ATF7: variants seen among roughly 807,000 people sequenced by gnomAD.
ATF7 encodes the protein cyclic AMP-dependent transcription factor ATF-7.
In ATF7, 10 loss-of-function variants were observed where a neutral mutation model predicts 50.4. The observed-to-expected ratio is 0.20, with a 90% CI of 0.12 to 0.34. The LOEUF is 0.34. Ranked by LOEUF, ATF7 falls within the 10% of genes least tolerant of loss-of-function variation. The pLI is 1.00. For missense variants in ATF7, 465 were observed against 613.9 expected (o/e 0.76, Z 2.56); for synonymous variants, 201 against 226.4 (o/e 0.89, Z 1.01).
At chr12:53,568,793 G>C (rs966722605) in intron 2 of ATF7, among the ~76,000 whole-genome samples, 1 of 152,298 alleles carries the variant, frequency 6.6e-6, no homozygotes, top group East Asian at 1.9e-4. Flanking sequence ...CTAACCATAA[G>C]TGATATTTTT....
intron 2 of ATF7, among the ~76,000 whole-genome samples, chr12:53,555,488 T>C (rs1338104563): frequency 7.5e-6 from 1 of 134,118 alleles, no homozygotes; most frequent in Non-Finnish European, 1.6e-5. Flanking sequence ...GAAAATAATA[T>C]AATTTTTTTT....
In ATF7 at chr12:53,531,898, T is replaced by C. The variant is rs778861286; in HGVS notation, c.775-2A>G. On this transcript the variant is annotated splice_acceptor_variant, in intron 8 of 11. Transcript: ENST00000420353. LOFTEE classifies it high-confidence loss of function. ...GTGAGTTAGGGTGGCTTTCAGTCTCTGTGGGCAAAGATAAGAAAAAATGCT... is the reference window on the plus strand; with the variant it reads ...GTGAGTTAGGGTGGCTTTCAGTCTCCGTGGGCAAAGATAAGAAAAAATGCT... 6.2e-7 allele frequency: 1 copy of C among 1,613,370 alleles called. No homozygotes were observed. The highest frequency in any genetic ancestry group is 1.7e-5 in the Admixed American group (1 of 59,914).
intron 3 of ATF7, among the ~76,000 whole-genome samples, chr12:53,549,774 C>T (rs533057024): frequency 6.6e-6 from 1 of 152,086 alleles, no homozygotes; most frequent in Admixed American, 6.5e-5. Flanking sequence ...TTAGTAGAGA[C>T]GGGGTTTCAC....
chr12:53,563,292 T>C (rs1941258182), intron 2 of ATF7, among the ~76,000 whole-genome samples: 1 of 152,166 alleles, frequency 6.6e-6, no homozygotes, highest in Non-Finnish European at 1.5e-5. Context: ...AATTTTAGTC[T>C]ATATGGTCTC....
chr12:53,601,603 CG>C (rs1163654248), intron 1 of ATF7, among the ~76,000 whole-genome samples: 3 of 152,100 alleles, frequency 2.0e-5, no homozygotes, highest in Non-Finnish European at 4.4e-5. Flanking sequence ...AAATAAAAAC[CG>C]GGAGCCTCCT....
intron 3 of ATF7, 135 bp from the exon 4 acceptor site, chr12:53,543,583 T>G: frequency 1.1e-6 from 1 of 947,952 alleles, no homozygotes; most frequent in Non-Finnish European, 1.5e-6. Flanking sequence ...AAATTTGCTT[T>G]AATGGAGCTC....
intron 1 of ATF7, among the ~76,000 whole-genome samples, chr12:53,612,350 G>A (rs1012276631): frequency 1.3e-5 from 2 of 151,564 alleles, no homozygotes; most frequent in African/African-American, 4.8e-5. Context: ...GCAGTGGCTC[G>A]ATCTCGTCTC....
intron 1 of ATF7, among the ~76,000 whole-genome samples, chr12:53,622,233 T>C (rs1462969457): frequency 6.6e-6 from 1 of 151,786 alleles, no homozygotes; most frequent in Non-Finnish European, 1.5e-5. Context: ...AACCGGAAGT[T>C]GGAGGTTGTA....
chr12:53,545,025 A>G (rs1939811514), intron 3 of ATF7, among the ~76,000 whole-genome samples: 1 of 152,144 alleles, frequency 6.6e-6, no homozygotes, highest in Non-Finnish European at 1.5e-5. Context: ...GTACTTTAGT[A>G]AGGGCATACC....
chr12:53,564,030 A>G (rs553937139), intron 2 of ATF7, among the ~76,000 whole-genome samples: 10 of 152,296 alleles, frequency 6.6e-5, no homozygotes, highest in Admixed American at 2.6e-4. Context: ...TTGTGGGTCA[A>G]TTCACTTTCT....
chr12:53,601,810 G>C (rs1205382180), intron 1 of ATF7, among the ~76,000 whole-genome samples: 1 of 152,202 alleles, frequency 6.6e-6, no homozygotes, highest in African/African-American at 2.4e-5. Context: ...GCAGCCAACA[G>C]ATGTGTGCTG....
In ATF7 at chr12:53,524,179, T is replaced by C. The variant is rs1158613987; in HGVS notation, c.1125+385A>G. Among the ~76,000 whole-genome samples the C allele has an allele frequency of 6.6e-6, 1 of 152,252 alleles. No individual in the cohort carries two copies. The highest frequency in any genetic ancestry group is 1.5e-5 in the Non-Finnish European group (1 of 68,044). ...TATGGATTATAGATTATAATTATTCTATTTGTGCTTGTAGCACTTTTTTCT... is the reference window on the plus strand; with the variant it reads ...TATGGATTATAGATTATAATTATTCCATTTGTGCTTGTAGCACTTTTTTCT... On this transcript the variant is annotated intron_variant, in intron 10 of 11. Coordinates refer to ENST00000420353, the MANE Select transcript of ATF7 (RefSeq NM_006856.3). This position sits in a 1 kb window ranked among gnomAD's most constrained non-coding sequence, Gnocchi z 4.6.
At chr12:53,523,433 C>G (rs1377165248) in intron 10 of ATF7, 49 bp from the exon 11 acceptor site, 2 of 1,349,490 alleles carry the variant, frequency 1.5e-6, no homozygotes, top group Non-Finnish European at 2.1e-6. Context: ...ATCCTCTACT[C>G]TTGCACCCTC....
At chr12:53,598,234 G>C (rs774243190) in intron 2 of ATF7, among the ~76,000 whole-genome samples, 59 of 152,182 alleles carry the variant, frequency 3.9e-4, no homozygotes, top group Non-Finnish European at 7.3e-4. Context: ...CAGATCGTGG[G>C]AGAAACTTGG....
At chr12:53,549,864 G>A (rs1040958451) in intron 3 of ATF7, among the ~76,000 whole-genome samples, 3 of 152,048 alleles carry the variant, frequency 2.0e-5, no homozygotes, top group African/African-American at 4.8e-5. Flanking sequence ...AATTATGGGC[G>A]TGAGCCAACA....
chr12:53,571,939 C>T (rs1941788342), intron 2 of ATF7, among the ~76,000 whole-genome samples: 1 of 151,950 alleles, frequency 6.6e-6, no homozygotes, highest in Non-Finnish European at 1.5e-5. Context: ...TGGTGGCGCA[C>T]ACCTGTAATC....
At chr12:53,622,520 T>C (rs1466087030) in intron 1 of ATF7, among the ~76,000 whole-genome samples, 1 of 150,206 alleles carries the variant, frequency 6.7e-6, no homozygotes, top group Non-Finnish European at 1.5e-5. Context: ...ACTCGGGAGG[T>C]TGAGGCAGGA....
intron 2 of ATF7, among the ~76,000 whole-genome samples, chr12:53,567,431 TTA>T: frequency 6.6e-6 from 1 of 152,362 alleles, no homozygotes; most frequent in Non-Finnish European, 1.5e-5. Flanking sequence ...GAATGGAGTT[TTA>T]GACTGGAGCA....
intron 2 of ATF7, among the ~76,000 whole-genome samples, chr12:53,575,221 A>G (rs1941992243): frequency 6.6e-6 from 1 of 152,100 alleles, no homozygotes; most frequent in South Asian, 2.1e-4. Flanking sequence ...CAGCCTGACC[A>G]ACATGGAGAA....
Sources: allele counts gnomAD v4.1 joint callset (sites outside exome capture counted in the v4.1 genomes callset), GRCh38; gene constraint gnomAD v4.1.1; non-coding constraint Gnocchi (gnomAD v3.1); transcripts MANE v1.5; gene names NCBI Gene and HGNC (gene_info 2026-07-23, HGNC 2026-07-21).